Variants in NTRK3 observed in about 807,000 individuals in gnomAD.
The protein encoded by NTRK3 is NT-3 growth factor receptor.
A neutral mutation model predicts 91.7 loss-of-function variants in NTRK3; 24 were observed. That is an observed-to-expected ratio of 0.26 (90% CI 0.19 to 0.37). NTRK3 has a LOEUF of 0.37. Ranked by LOEUF, NTRK3 falls within the 10% of genes least tolerant of loss-of-function variation. The pLI is 1.00. For missense variants in NTRK3, 880 were observed against 1,068.9 expected, an observed-to-expected ratio of 0.82 and a Z score of 2.46; for synonymous variants, 483 against 404.0, an observed-to-expected ratio of 1.20 and a Z score of -2.34.
intron 3 of NTRK3, among the ~76,000 whole-genome samples, chr15:88,214,858 T>C (rs566029694): frequency 1.3e-5 from 2 of 152,224 alleles, no homozygotes; most frequent in East Asian, 3.9e-4. Context: ...GCCCCTGAAG[T>C]GCAGGGCTGT....
chr15:88,167,987 G>T (rs1367574202), intron 5 of NTRK3, among the ~76,000 whole-genome samples: 1 of 151,760 alleles, frequency 6.6e-6, no homozygotes, highest in Non-Finnish European at 1.5e-5. Flanking sequence ...TGAGGGAGAT[G>T]ATTTTCTTAC....
At chr15:88,142,632 G>T (rs1567515752) in intron 6 of NTRK3, among the ~76,000 whole-genome samples, 2 of 152,226 alleles carry the variant, frequency 1.3e-5, no homozygotes, top group Non-Finnish European at 2.9e-5. Context: ...CCCAGAAAAG[G>T]ATCCCCAAAG....
chr15:88,056,271 G>C (rs2045686697), intron 13 of NTRK3, among the ~76,000 whole-genome samples: 1 of 149,914 alleles, frequency 6.7e-6, no homozygotes, highest in South Asian at 2.1e-4. Context: ...AATGGAAATA[G>C]AGCAAAATTT....
intron 17 of NTRK3, among the ~76,000 whole-genome samples, chr15:87,886,527 G>A (rs988889236): frequency 6.6e-6 from 1 of 150,794 alleles, no homozygotes; most frequent in African/African-American, 2.5e-5. Context: ...TCTTATTCAT[G>A]TAAAAATGTA....
At chr15:88,039,135 A>ACG (rs1465147796) in intron 13 of NTRK3, among the ~76,000 whole-genome samples, 1 of 150,978 alleles carries the variant, frequency 6.6e-6, no homozygotes, top group African/African-American at 2.4e-5. Context: ...ACACACACAC[A>ACG]CACACACACA....
chr15:87,934,159 G>A (rs1476117396), intron 15 of NTRK3, among the ~76,000 whole-genome samples: 2 of 152,282 alleles, frequency 1.3e-5, no homozygotes, highest in East Asian at 3.9e-4. Context: ...ATGGAAAATG[G>A]TCTGTGAAGA....
chr15:88,059,882 CAGG>C (rs2046053638), intron 13 of NTRK3, among the ~76,000 whole-genome samples: 1 of 152,146 alleles, frequency 6.6e-6, no homozygotes, highest in African/African-American at 2.4e-5. Context: ...CTTAGAAGAA[CAGG>C]AGTTTAGGAC....
chr15:87,994,433 A>G (rs541230440), intron 14 of NTRK3, among the ~76,000 whole-genome samples: 2 of 152,222 alleles, frequency 1.3e-5, no homozygotes, highest in South Asian at 4.1e-4. Flanking sequence ...CCATGTGAAC[A>G]TGAAGGCAGA....
chr15:88,033,639 G>A (rs189340023), intron 13 of NTRK3, among the ~76,000 whole-genome samples: 1 of 151,944 alleles, frequency 6.6e-6, no homozygotes, highest in East Asian at 1.9e-4. Flanking sequence ...AAAATCCACT[G>A]GAAGCGTATT....
chr15:88,067,113 T>C (rs2046716140), intron 13 of NTRK3, among the ~76,000 whole-genome samples: 1 of 152,204 alleles, frequency 6.6e-6, no homozygotes, highest in African/African-American at 2.4e-5. Flanking sequence ...TCTGGAAGTA[T>C]GCAAGCTGCC....
At chr15:87,936,253 C>T (rs149014154) in intron 15 of NTRK3, among the ~76,000 whole-genome samples, 12 of 152,248 alleles carry the variant, frequency 7.9e-5, no homozygotes, top group South Asian at 2.1e-4. Flanking sequence ...CTGGCTCAGG[C>T]GTTTGTATAG....
chr15:87,983,524 T>A (rs989593796), intron 14 of NTRK3, among the ~76,000 whole-genome samples: 5 of 152,148 alleles, frequency 3.3e-5, no homozygotes, highest in African/African-American at 1.2e-4. Flanking sequence ...CAGTGACAGG[T>A]ATCACCTACA....
exon 16 of NTRK3, chr15:87,933,019 A>C (rs780640831): frequency 6.2e-7 from 1 of 1,614,062 alleles, no homozygotes; most frequent in Non-Finnish European, 8.5e-7. Context: ...TACCTGAGGA[A>C]CTTATTCAGG....
At chr15:88,197,775 C>T (rs958408157) in intron 3 of NTRK3, among the ~76,000 whole-genome samples, 1 of 152,346 alleles carries the variant, frequency 6.6e-6, no homozygotes, top group Non-Finnish European at 1.5e-5. Context: ...CAAGCTACTC[C>T]AGGGAGGTGT....
At chr15:87,992,119 A>C (rs1391816832) in intron 14 of NTRK3, among the ~76,000 whole-genome samples, 1 of 152,160 alleles carries the variant, frequency 6.6e-6, no homozygotes, top group Non-Finnish European at 1.5e-5. Flanking sequence ...CATATCAATA[A>C]AAATTCCATT....
chr15:88,211,393 G>A (rs1409215859), intron 3 of NTRK3, among the ~76,000 whole-genome samples: 1 of 152,222 alleles, frequency 6.6e-6, no homozygotes, highest in Non-Finnish European at 1.5e-5. Context: ...TAGACCACAT[G>A]TTTATTCATT....
At chr15:87,863,887 T>C (rs2064589634) in exon 19 of NTRK3, 2 of 231,730 alleles carry the variant, frequency 8.6e-6, no homozygotes, top group East Asian at 6.1e-5. Context: ...TCTGAGAAAA[T>C]AAACAGGGCA....
intron 13 of NTRK3, among the ~76,000 whole-genome samples, chr15:88,047,004 C>T (rs1204482257): frequency 6.6e-6 from 1 of 152,172 alleles, no homozygotes; most frequent in Admixed American, 6.5e-5. Context: ...CCTGCCCTGA[C>T]CGCCCTGCAG....
intron 13 of NTRK3, among the ~76,000 whole-genome samples, chr15:88,039,118 AACACACACACACACAC>A (rs66499066): frequency 2.0e-4 from 28 of 139,382 alleles, no homozygotes; most frequent in Middle Eastern, 3.6e-3. Flanking sequence ...TTGAGCCCTC[AACACACACACACACAC>A]ACACACACAC....
Sources: allele counts gnomAD v4.1 joint callset (sites outside exome capture counted in the v4.1 genomes callset), GRCh38; gene constraint gnomAD v4.1.1; transcripts MANE v1.5; gene names NCBI Gene and HGNC (gene_info 2026-07-23, HGNC 2026-07-21).